MAML3: variants seen among roughly 807,000 people sequenced by gnomAD.
The protein encoded by MAML3 is mastermind-like protein 3.
MAML3 carries 27 observed loss-of-function variants against 101.9 expected under a neutral mutation model. The ratio of observed to expected loss-of-function variants is 0.27; its 90% confidence interval spans 0.20 to 0.37. MAML3 has a LOEUF of 0.37. Among genes scored for constraint, MAML3 ranks in the 10% least tolerant of loss-of-function variants. The pLI is 1.00. For synonymous variants in MAML3, 501 were observed against 555.9 expected (o/e 0.90, Z 1.39); for missense variants, 1,316 against 1,444.9 (o/e 0.91, Z 1.45).
chr4:139,908,637 C>T (rs985875398), intron 1 of MAML3, among the ~76,000 whole-genome samples: 1 of 152,206 alleles, frequency 6.6e-6, no homozygotes, highest in African/African-American at 2.4e-5. Context: ...ACTGTTGTTA[C>T]TTTTAAATAT....
chr4:139,749,495 G>A (rs1729429674), intron 2 of MAML3, among the ~76,000 whole-genome samples: 2 of 152,158 alleles, frequency 1.3e-5, no homozygotes, highest in Non-Finnish European at 2.9e-5. Context: ...CACAGACACA[G>A]TACTCATGGC....
chr4:139,968,830 G>C (rs1412322655), intron 1 of MAML3, among the ~76,000 whole-genome samples: 1 of 152,054 alleles, frequency 6.6e-6, no homozygotes, highest in Non-Finnish European at 1.5e-5. Context: ...TGGTTGCAGG[G>C]AGTACAGAAA....
At chr4:139,881,641 A>G (rs1374706763) in intron 2 of MAML3, among the ~76,000 whole-genome samples, 1 of 152,222 alleles carries the variant, frequency 6.6e-6, no homozygotes, top group African/African-American at 2.4e-5. Flanking sequence ...AAGAAAAACA[A>G]GCATATGAAA....
At position 140,097,779 on chromosome 4, in the gene MAML3, G is replaced by A. The variant is rs534829844; in HGVS notation, c.468+55081C>T. On this transcript the variant is annotated intron_variant, in intron 1 of 4. Transcript: ENST00000509479. ...CTCATCTCCAAGCTCACGTTCCTTC[G>A]TGGTGACAAGAGGGAAGTGAAGACT... Among the ~76,000 whole-genome samples the A allele has an allele frequency of 6.6e-5, 10 of 152,252 alleles. No homozygotes were observed. The East Asian group carries it at 7.7e-4, about 12-fold the overall frequency.
chr4:140,013,496 C>T (rs1726598182), intron 1 of MAML3, among the ~76,000 whole-genome samples: 1 of 152,210 alleles, frequency 6.6e-6, no homozygotes. Flanking sequence ...ACCACACTGT[C>T]TTTTGTGCCC....
rs1431151474 is a variant in MAML3 at position 139,890,336 on chromosome 4, G to A, written c.1100C>T (p.Ala367Val). 1 of 1,609,082 alleles carries A rather than the reference G, an allele frequency of 6.2e-7. No individual in the cohort carries two copies. Among genetic ancestry groups the A allele is most frequent in the Admixed American group, 1.7e-5 (1 of 59,732 alleles). The change falls in exon 2 of 5, where the codon GCA becomes GTA. Residue 367 changes from alanine to valine, a missense_variant. By Grantham distance (64) the Ala-to-Val change is moderately conservative. Coordinates refer to ENST00000509479, the MANE Select transcript of MAML3 (RefSeq NM_018717.5). This position sits in a 1 kb window ranked among gnomAD's most constrained non-coding sequence, Gnocchi z 4.1. ...VKSDPSHSPF[A>V]HVSMGSPQAR... ...CTGGGGAGATCCCATGGAGACATGT[G>A]CGAAGGGAGAGTGAGAGGGGTCGCT...
At chr4:140,139,401 C>T (rs924255374) in intron 1 of MAML3, among the ~76,000 whole-genome samples, 2 of 151,594 alleles carry the variant, frequency 1.3e-5, no homozygotes, top group African/African-American at 4.8e-5. Flanking sequence ...ATATTAAAAA[C>T]AAAAATCCAG....
At chr4:140,050,537 C>T (rs764155967) in intron 1 of MAML3, among the ~76,000 whole-genome samples, 1 of 151,474 alleles carries the variant, frequency 6.6e-6, no homozygotes, top group Non-Finnish European at 1.5e-5. Flanking sequence ...ATCCTCGCAC[C>T]GCCTCCCAGG....
intron 2 of MAML3, among the ~76,000 whole-genome samples, chr4:139,795,066 CCA>C (rs1485403473): frequency 1.3e-5 from 2 of 152,114 alleles, no homozygotes. Flanking sequence ...GAAAGGGCAG[CCA>C]CAGAGTTAGG....
intron 2 of MAML3, among the ~76,000 whole-genome samples, chr4:139,756,133 GA>G: frequency 6.6e-6 from 1 of 152,274 alleles, no homozygotes; most frequent in African/African-American, 2.4e-5. Flanking sequence ...AGGAGTATAA[GA>G]ACAGCAAAGC....
rs201145501 is a variant in MAML3, at chr4:139,890,308, C to T, written c.1128G>A (p.Ala376=). ...FAHVSMGSPQ[A]RPSSSGPPFS... is the part of the protein sequence containing the mutation. ...AGGGAGGACCAGAAGAAGAAGGCCT[C>T]GCCTGGGGAGATCCCATGGAGACAT... Residue 376 remains alanine (A), a synonymous_variant, in exon 2 of 5, where the codon GCG becomes GCA. Transcript: ENST00000509479. The surrounding 1 kb of genome is among the most constrained non-coding windows in gnomAD (Gnocchi z 4.1). 121 of 1,613,114 alleles carry T rather than the reference C, an allele frequency of 7.5e-5. No individual in the cohort carries two copies. In the African/African-American group the frequency reaches 8.0e-4, roughly 11 times the overall value.
At chr4:139,900,687 CTG>C (rs1374189821) in intron 1 of MAML3, among the ~76,000 whole-genome samples, 2 of 152,252 alleles carry the variant, frequency 1.3e-5, no homozygotes, top group Non-Finnish European at 2.9e-5. Flanking sequence ...AAAAGCAAGA[CTG>C]TTATCTTTGC....
At chr4:139,738,210 T>C (rs1252107441) in intron 2 of MAML3, among the ~76,000 whole-genome samples, 1 of 152,222 alleles carries the variant, frequency 6.6e-6, no homozygotes, top group Non-Finnish European at 1.5e-5. Context: ...GCTGTGTTTC[T>C]GGTGCTAGCT....
intron 1 of MAML3, among the ~76,000 whole-genome samples, chr4:140,022,089 G>A (rs1726742107): frequency 6.6e-6 from 1 of 152,200 alleles, no homozygotes; most frequent in Non-Finnish European, 1.5e-5. Context: ...CAGCCCTGGA[G>A]GGACCCAAGG....
At chr4:140,129,726 G>A (rs1195651643) in intron 1 of MAML3, among the ~76,000 whole-genome samples, 2 of 152,142 alleles carry the variant, frequency 1.3e-5, no homozygotes, top group Admixed American at 6.5e-5. Context: ...CAGCACTTTG[G>A]GAGGCCGAGG....
intron 1 of MAML3, among the ~76,000 whole-genome samples, chr4:139,971,415 A>C (rs1734233244): frequency 6.6e-6 from 1 of 152,232 alleles, no homozygotes; most frequent in African/African-American, 2.4e-5. Context: ...ACTATATTTA[A>C]TGATATTGGT....
chr4:139,774,423 C>A (rs577881803), intron 2 of MAML3, among the ~76,000 whole-genome samples: 6 of 152,206 alleles, frequency 3.9e-5, no homozygotes, highest in Admixed American at 3.9e-4. Flanking sequence ...TCCATATCTG[C>A]CAAAAGGATA....
intron 1 of MAML3, among the ~76,000 whole-genome samples, chr4:139,962,289 A>G (rs146615292): frequency 6.6e-6 from 1 of 152,332 alleles, no homozygotes; most frequent in East Asian, 1.9e-4. Flanking sequence ...TCACTTTGTC[A>G]GAGCTATTTC....
chr4:139,939,169 T>C (rs1173327081), intron 1 of MAML3, among the ~76,000 whole-genome samples: 1 of 152,260 alleles, frequency 6.6e-6, no homozygotes, highest in East Asian at 1.9e-4. Flanking sequence ...CTTTAATGAT[T>C]GTATGTGCTT....
Sources: allele counts gnomAD v4.1 joint callset (sites outside exome capture counted in the v4.1 genomes callset), GRCh38; gene constraint gnomAD v4.1.1; non-coding constraint Gnocchi (gnomAD v3.1); transcripts MANE v1.5; gene names NCBI Gene and HGNC (gene_info 2026-07-23, HGNC 2026-07-21).